The following GRM3 variants were observed in gnomAD, a reference collection of about 807,000 sequenced individuals.
GRM3 encodes metabotropic glutamate receptor 3.
GRM3 carries 26 observed loss-of-function variants against 70.5 expected under a neutral mutation model. The observed-to-expected ratio is 0.37, with a 90% CI of 0.27 to 0.51. GRM3 has a LOEUF of 0.51. GRM3 is among the 20% of genes least tolerant of loss of function. The probability of loss-of-function intolerance (pLI) is 0.93; values close to 1 mark genes in which losing one functional copy is unlikely to be tolerated. For synonymous variants in GRM3, 443 were observed against 434.9 expected (o/e 1.02, Z -0.23); for missense variants, 859 against 1,123.8 (o/e 0.76, Z 3.37).
At chr7:86,711,852 G>A (rs1795207329) in intron 1 of GRM3, among the ~76,000 whole-genome samples, 1 of 151,898 alleles carries the variant, frequency 6.6e-6, no homozygotes, top group South Asian at 2.1e-4. Flanking sequence ...TACACTTAGG[G>A]AACCTAGATC....
chr7:86,724,564 T>G (rs1256343594), intron 1 of GRM3, among the ~76,000 whole-genome samples: 1 of 152,168 alleles, frequency 6.6e-6, no homozygotes, highest in Non-Finnish European at 1.5e-5. Flanking sequence ...GGTTGGAAAG[T>G]TATCCTAAAT....
chr7:86,666,675 A>T (rs1794035591), intron 1 of GRM3, among the ~76,000 whole-genome samples: 2 of 151,860 alleles, frequency 1.3e-5, no homozygotes, highest in South Asian at 4.1e-4. Context: ...CAAACTAGCT[A>T]TTTTTTTAAT....
rs375443732 is a variant in GRM3, at chr7:86,833,636, A to G, written c.1325-5203A>G. ...ACTTGCTTCCTCATTACCCAGGTCA[A>G]TATTGCCATTGCGTTCGAAATAACC... On this transcript the variant is annotated intron_variant, in intron 3 of 5. Transcript: ENST00000361669. Among the ~76,000 whole-genome samples the G allele has an allele frequency of 1.4e-4, 21 of 152,274 alleles. No individual in the cohort carries two copies. In the East Asian group the frequency reaches 1.5e-3, roughly 11 times the overall value.
At chr7:86,652,918 G>A (rs1793642428) in intron 1 of GRM3, among the ~76,000 whole-genome samples, 1 of 152,174 alleles carries the variant, frequency 6.6e-6, no homozygotes, top group Admixed American at 6.5e-5. Context: ...CATATAGATT[G>A]AAGTTTTGGA....
intron 3 of GRM3, among the ~76,000 whole-genome samples, chr7:86,792,201 T>C (rs1797436479): frequency 6.6e-6 from 1 of 152,222 alleles, no homozygotes; most frequent in African/African-American, 2.4e-5. Flanking sequence ...TCGAATAGAA[T>C]AAAATCATAG....
At chr7:86,670,450 C>T (rs1794142152) in intron 1 of GRM3, among the ~76,000 whole-genome samples, 1 of 152,244 alleles carries the variant, frequency 6.6e-6, no homozygotes, top group East Asian at 1.9e-4. Context: ...CTCTCATTTT[C>T]TTATACATCC....
At chr7:86,701,629 G>A (rs369941673) in intron 1 of GRM3, among the ~76,000 whole-genome samples, 1 of 151,718 alleles carries the variant, frequency 6.6e-6, no homozygotes, top group African/African-American at 2.4e-5. Context: ...TATTCAAAGG[G>A]TAAAAGATAT....
At chr7:86,731,591 C>A (rs1795735407) in intron 1 of GRM3, among the ~76,000 whole-genome samples, 1 of 152,170 alleles carries the variant, frequency 6.6e-6, no homozygotes, top group Non-Finnish European at 1.5e-5. Flanking sequence ...CAAATTATCC[C>A]TTTCATTCTT....
intron 1 of GRM3, among the ~76,000 whole-genome samples, chr7:86,699,879 G>A (rs1389729139): frequency 1.3e-5 from 2 of 151,950 alleles, no homozygotes; most frequent in African/African-American, 4.8e-5. Flanking sequence ...CTTGCTCTGG[G>A]ATAAGAAAAA....
Position 86,644,620 on chromosome 7 carries a change from C to G in GRM3, c.-393C>G. 1 of 444,432 alleles carries G rather than the reference C, an allele frequency of 2.3e-6. No individual in the cohort carries two copies. Among genetic ancestry groups the G allele is most frequent in the Admixed American group, 2.4e-5 (1 of 41,232 alleles). 27.5% of individuals were successfully genotyped at this position (444,432 alleles called of 1,614,324 possible). A position where few individuals can be genotyped will look rare whatever the true frequency, so the allele number is the denominator to read the frequency against. On this transcript the variant is annotated 5_prime_UTR_variant, in exon 1 of 6. Transcript: ENST00000361669. ...CTCGGATGCCTGGATGTTCTGCCACCGGGCAGTGGTCCAGCGTGCAGCCGG... is the reference window on the plus strand; with the variant it reads ...CTCGGATGCCTGGATGTTCTGCCACGGGGCAGTGGTCCAGCGTGCAGCCGG...
chr7:86,683,280 T>G (rs1409085772), intron 1 of GRM3, among the ~76,000 whole-genome samples: 1 of 152,182 alleles, frequency 6.6e-6, no homozygotes, highest in Non-Finnish European at 1.5e-5. Context: ...GGTCCTGCTC[T>G]TAACATTCAC....
chr7:86,822,315 A>G (rs975810585), intron 3 of GRM3, among the ~76,000 whole-genome samples: 14 of 152,156 alleles, frequency 9.2e-5, no homozygotes, highest in Admixed American at 2.6e-4. Flanking sequence ...TGATAAGAAG[A>G]TAGTAATAAT....
intron 1 of GRM3, among the ~76,000 whole-genome samples, chr7:86,710,566 T>TGGGGGGGGGG (rs1171125332): frequency 1.2e-4 from 1 of 8,132 alleles, no homozygotes; most frequent in Admixed American, 1.6e-3. Context: ...GTGTGTGTGG[T>TGGGGGGGGGG]GGGGGGTGGG....
intron 1 of GRM3, among the ~76,000 whole-genome samples, chr7:86,715,135 C>T (rs1795285187): frequency 6.6e-6 from 1 of 151,962 alleles, no homozygotes. Flanking sequence ...AGGTGTCATT[C>T]TGTGTTTGTC....
intron 2 of GRM3, among the ~76,000 whole-genome samples, chr7:86,771,168 G>A (rs766186212): frequency 1.4e-4 from 21 of 152,198 alleles, no homozygotes; most frequent in Middle Eastern, 3.4e-3. Context: ...TCAAGCAAAA[G>A]TTGGCCTGTT....
At chr7:86,810,987 C>A (rs1797898102) in intron 3 of GRM3, among the ~76,000 whole-genome samples, 1 of 151,790 alleles carries the variant, frequency 6.6e-6, no homozygotes. Context: ...CCTGGGGGAC[C>A]ATTTTTAATT....
intron 5 of GRM3, among the ~76,000 whole-genome samples, chr7:86,851,621 C>T (rs915682218): frequency 3.3e-5 from 5 of 152,248 alleles, no homozygotes; most frequent in East Asian, 3.9e-4. Context: ...ATCACATTAG[C>T]GCCCCAATTT....
chr7:86,762,619 CA>C (rs1463900873), intron 1 of GRM3, among the ~76,000 whole-genome samples: 1 of 151,990 alleles, frequency 6.6e-6, no homozygotes, highest in Non-Finnish European at 1.5e-5. Context: ...AAATATAAAT[CA>C]AAATAGCAAT....
Position 86,850,667 on chromosome 7 carries a change from G to A in GRM3, c.2566+123G>A. On this transcript the variant is annotated intron_variant, in intron 5 of 5. Transcript: ENST00000361669. ...TCTCAATTCGATTTTACTAAGTATG[G>A]ATTTAAACACTGTGAGTCAGGTATT... 9.9e-6 allele frequency: 7 copies of A among 710,174 alleles called. No individual in the cohort carries two copies. The South Asian group carries it at 1.2e-4, about 12-fold the overall frequency. 44.0% of individuals were successfully genotyped at this position (710,174 alleles called of 1,614,324 possible).
Sources: allele counts gnomAD v4.1 joint callset (sites outside exome capture counted in the v4.1 genomes callset), GRCh38; gene constraint gnomAD v4.1.1; transcripts MANE v1.5; gene names NCBI Gene and HGNC (gene_info 2026-07-23, HGNC 2026-07-21).